The following TMPRSS15 variants were observed in gnomAD, a reference collection of about 807,000 sequenced individuals.
The protein encoded by TMPRSS15 is transmembrane serine protease 15.
In TMPRSS15, 128 loss-of-function variants were observed where a neutral mutation model predicts 125.3. The ratio of observed to expected loss-of-function variants is 1.02; its 90% CI spans 0.89 to 1.18. The LOEUF (loss-of-function observed/expected upper bound fraction) is 1.18, where lower values mean the gene tolerates loss of function less well. Among genes scored for constraint, TMPRSS15 ranks in the 50% most tolerant of loss-of-function variants. The pLI is 0.00. For synonymous variants in TMPRSS15, 446 were observed against 423.2 expected, an observed-to-expected ratio of 1.05 and a Z score of -0.66; for missense variants, 1,283 against 1,212.7, an observed-to-expected ratio of 1.06 and a Z score of -0.86.
chr21:18,302,836 C>T (rs1037167502), intron 18 of TMPRSS15, among the ~76,000 whole-genome samples: 11 of 152,160 alleles, frequency 7.2e-5, no homozygotes, highest in South Asian at 2.1e-4. Context: ...TCATGGGCAA[C>T]ATCTTGGAAA....
chr21:18,298,308 GAC>G (rs1391077532), intron 18 of TMPRSS15, among the ~76,000 whole-genome samples: 1 of 152,122 alleles, frequency 6.6e-6, no homozygotes, highest in Non-Finnish European at 1.5e-5. Context: ...CATAGACAGA[GAC>G]TATCTTCAGT....
At chr21:18,282,278 G>A (rs150165852) in intron 21 of TMPRSS15, among the ~76,000 whole-genome samples, 2 of 152,156 alleles carry the variant, frequency 1.3e-5, no homozygotes, top group African/African-American at 4.8e-5. Context: ...ATTTGAAAGT[G>A]TGCAAGGACT....
intron 1 of TMPRSS15, among the ~76,000 whole-genome samples, chr21:18,435,592 C>G (rs1464414625): frequency 1.3e-5 from 2 of 152,028 alleles, no homozygotes; most frequent in Non-Finnish European, 2.9e-5. Context: ...CTAAAATTCT[C>G]TTTTTTGGTT....
intron 3 of TMPRSS15, among the ~76,000 whole-genome samples, chr21:18,393,342 A>T (rs1048060627): frequency 6.6e-6 from 1 of 152,236 alleles, no homozygotes; most frequent in Admixed American, 6.5e-5. Context: ...CTAGTACCTA[A>T]AGTTATAAAT....
rs554234491 is a variant in TMPRSS15, at chr21:18,409,150, A to G, written c.11-10821T>C. ...CCTTGGAATTCTGAAGATTTTTTTA[A>G]TAGTGTGTTTTTTTTTCTGCCACTG... On this transcript the variant is annotated intron_variant, in intron 1 of 7. Transcript: ENST00000422787. Among the ~76,000 whole-genome samples, 6 of 151,800 alleles carry G rather than the reference A, an allele frequency of 4.0e-5. No homozygotes were observed. The East Asian group carries it at 1.2e-3, about 29-fold the overall frequency.
intron 1 of TMPRSS15, among the ~76,000 whole-genome samples, chr21:18,454,269 T>A (rs558576100): frequency 6.6e-6 from 1 of 152,180 alleles, no homozygotes; most frequent in Non-Finnish European, 1.5e-5. Context: ...GCTAATGTGA[T>A]ATTCTTTTGT....
At chr21:18,342,125 C>G (rs1041747615) in intron 12 of TMPRSS15, among the ~76,000 whole-genome samples, 2 of 152,022 alleles carry the variant, frequency 1.3e-5, no homozygotes, top group African/African-American at 4.8e-5. Context: ...GGACACAGAA[C>G]GAGATTTGGA....
intron 3 of TMPRSS15, among the ~76,000 whole-genome samples, chr21:18,393,169 C>A (rs1293496490): frequency 6.6e-6 from 1 of 152,148 alleles, no homozygotes; most frequent in South Asian, 2.1e-4. Flanking sequence ...ATGCAGTACA[C>A]CTGCATTTAG....
intron 1 of TMPRSS15, among the ~76,000 whole-genome samples, chr21:18,443,075 T>C (rs762987549): frequency 2.0e-5 from 3 of 152,178 alleles, no homozygotes; most frequent in Non-Finnish European, 4.4e-5. Context: ...ACACTTTGCA[T>C]GTGTATATTT....
At chr21:18,303,035 G>A (rs1234017493) in intron 18 of TMPRSS15, among the ~76,000 whole-genome samples, 3 of 152,132 alleles carry the variant, frequency 2.0e-5, no homozygotes, top group African/African-American at 7.2e-5. Context: ...TTAGAATTTA[G>A]TGTCCTTTAG....
At chr21:18,356,658 A>G (rs187698799) in intron 8 of TMPRSS15, among the ~76,000 whole-genome samples, 1 of 151,952 alleles carries the variant, frequency 6.6e-6, no homozygotes, top group African/African-American at 2.4e-5. Context: ...TCCACATAAC[A>G]TACCCCTATC....
intron 1 of TMPRSS15, among the ~76,000 whole-genome samples, chr21:18,473,373 A>G (rs1259969973): frequency 1.2e-4 from 19 of 152,162 alleles, no homozygotes. Flanking sequence ...TGCAGGTTAT[A>G]TCCATAACCA....
intron 1 of TMPRSS15, among the ~76,000 whole-genome samples, chr21:18,479,934 C>A (rs1056486329): frequency 7.2e-5 from 11 of 152,000 alleles, no homozygotes; most frequent in African/African-American, 2.7e-4. Flanking sequence ...AAGAAACAGG[C>A]ACGTGTATGT....
At chr21:18,389,729 T>C (rs2075975528) in intron 3 of TMPRSS15, among the ~76,000 whole-genome samples, 1 of 152,176 alleles carries the variant, frequency 6.6e-6, no homozygotes, top group South Asian at 2.1e-4. Flanking sequence ...CCATTGTTTT[T>C]CTAAGCATAA....
chr21:18,415,328 C>T (rs1012868770), intron 1 of TMPRSS15, among the ~76,000 whole-genome samples: 1 of 152,038 alleles, frequency 6.6e-6, no homozygotes, highest in African/African-American at 2.4e-5. Context: ...CTGTTGCTTC[C>T]TTTCCTGCAC....
chr21:18,353,904 T>C (rs1569028314), intron 8 of TMPRSS15, 41 bp from the exon 9 acceptor site: 3 of 1,564,118 alleles, frequency 1.9e-6, no homozygotes, highest in Non-Finnish European at 2.6e-6. Flanking sequence ...TATATATCTA[T>C]CTGTTCATCT....
At chr21:18,402,005 A>G (rs2076099064) in intron 1 of TMPRSS15, among the ~76,000 whole-genome samples, 1 of 152,182 alleles carries the variant, frequency 6.6e-6, no homozygotes, top group Non-Finnish European at 1.5e-5. Context: ...TAAAAGTTTA[A>G]TTCAATCTGT....
In TMPRSS15 at chr21:18,294,261, C is replaced by T; in HGVS notation, c.2486+9G>A. ...TAGTTTGGGAAGGGACACTTGACAT[C>T]ACACTCACCCATACACGCAGTGTGC... On this transcript the variant is annotated intron_variant, in intron 21 of 24. Coordinates refer to ENST00000284885, the MANE Select transcript of TMPRSS15 (RefSeq NM_002772.3). 1 of 1,614,024 alleles carries T rather than the reference C, an allele frequency of 6.2e-7. No homozygotes were observed. Among genetic ancestry groups the T allele is most frequent in the Non-Finnish European group, 8.5e-7 (1 of 1,180,040 alleles).
At chr21:18,451,384 CTTTT>C (rs763949920) in intron 1 of TMPRSS15, among the ~76,000 whole-genome samples, 1 of 147,958 alleles carries the variant, frequency 6.8e-6, no homozygotes, top group Non-Finnish European at 1.5e-5. Flanking sequence ...TTTGTCTGCC[CTTTT>C]TTTTTTGAGT....
Sources: allele counts gnomAD v4.1 joint callset (sites outside exome capture counted in the v4.1 genomes callset), GRCh38; gene constraint gnomAD v4.1.1; transcripts MANE v1.5; gene names NCBI Gene and HGNC (gene_info 2026-07-23, HGNC 2026-07-21).